Variants in CCDC102B observed in about 807,000 individuals in gnomAD.
CCDC102B encodes coiled-coil domain containing 102B.
CCDC102B carries 75 observed loss-of-function variants against 57.4 expected under a neutral mutation model. The ratio of observed to expected loss-of-function variants is 1.31; its 90% confidence interval spans 1.08 to 1.58. CCDC102B has a LOEUF of 1.58. Ranked by LOEUF, CCDC102B falls within the 40% of genes most tolerant of loss-of-function variation. The probability of loss-of-function intolerance (pLI) is 0.00; values close to 1 mark genes in which losing one functional copy is unlikely to be tolerated. For missense variants in CCDC102B, 636 were observed against 582.6 expected, an observed-to-expected ratio of 1.09 and a Z score of -0.94; for synonymous variants, 206 against 201.9, an observed-to-expected ratio of 1.02 and a Z score of -0.17.
At chr18:68,978,825 C>A (rs1028292091) in intron 6 of CCDC102B, among the ~76,000 whole-genome samples, 1 of 151,946 alleles carries the variant, frequency 6.6e-6, no homozygotes, top group Non-Finnish European at 1.5e-5. Context: ...AAACTTGAAA[C>A]AGCATAAACA....
At position 69,054,137 on chromosome 18, in the gene CCDC102B, A is replaced by G; in HGVS notation, c.1542A>G (p.Ter514=). The change falls in exon 8 of 8, where the codon TAA becomes TAG. Residue 514 remains the stop codon, a stop_retained_variant. Coordinates refer to ENST00000360242, the MANE Select transcript of CCDC102B (RefSeq NM_024781.3). ...AACTCAGGCACTTGCAAAACTGGTA[A>G]TTTTTTCACAAAATATGCTGAATTA... ...ETELRHLQNW[*] is the part of the protein sequence containing the mutation. 1 of 1,591,522 alleles carries G rather than the reference A, an allele frequency of 6.3e-7. No individual in the cohort carries two copies. Among genetic ancestry groups the G allele is most frequent in the South Asian group, 1.1e-5 (1 of 87,474 alleles).
At position 68,984,399 on chromosome 18, in the gene CCDC102B, C is replaced by T. The variant is rs184401879; in HGVS notation, c.1264-26535C>T. ...TGATGTCGATTTGCTGAAGGACAAA[C>T]CATAAAGAGTTTCCTACCAGAATAT... On this transcript the variant is annotated intron_variant, in intron 6 of 7. Transcript: ENST00000360242. Among the ~76,000 whole-genome samples, 9 of 152,164 alleles carry T rather than the reference C, an allele frequency of 5.9e-5. No homozygotes were observed. The East Asian group carries it at 1.5e-3, about 26-fold the overall frequency.
chr18:68,813,481 G>A (rs2036351394), intron 1 of CCDC102B, among the ~76,000 whole-genome samples: 1 of 152,040 alleles, frequency 6.6e-6, no homozygotes, highest in South Asian at 2.1e-4. Flanking sequence ...AGGATGAAGA[G>A]GAAGGGAAGG....
At chr18:68,992,628 A>G (rs2145329075) in intron 6 of CCDC102B, 1 of 151,318 alleles carries the variant, frequency 6.6e-6, no homozygotes, top group East Asian at 2.0e-4. Flanking sequence ...CCCAAACACC[A>G]ACTTTATTAT....
intron 5 of CCDC102B, among the ~76,000 whole-genome samples, chr18:68,889,096 G>A (rs192518418): frequency 7.3e-5 from 11 of 151,566 alleles, no homozygotes; most frequent in Admixed American, 1.3e-4. Flanking sequence ...TTTTCTTAGG[G>A]TGTTATAAAT....
chr18:68,874,927 A>C (rs893422637), intron 5 of CCDC102B, 142 bp downstream of exon 5: 6 of 545,550 alleles, frequency 1.1e-5, no homozygotes. Context: ...ATCAGCTTAT[A>C]TGTGATTTAA....
intron 4 of CCDC102B, among the ~76,000 whole-genome samples, chr18:68,864,645 C>T (rs780132640): frequency 6.6e-6 from 1 of 152,016 alleles, no homozygotes; most frequent in Non-Finnish European, 1.5e-5. Flanking sequence ...TTGTCAGTAG[C>T]ATACTTTCAC....
At chr18:68,871,751 G>T (rs1014125506) in intron 4 of CCDC102B, among the ~76,000 whole-genome samples, 1 of 152,064 alleles carries the variant, frequency 6.6e-6, no homozygotes, top group Non-Finnish European at 1.5e-5. Context: ...AGGAGTTATC[G>T]GATCATGTGG....
intron 6 of CCDC102B, among the ~76,000 whole-genome samples, chr18:68,962,220 C>T (rs1320378862): frequency 6.6e-6 from 1 of 152,052 alleles, no homozygotes; most frequent in African/African-American, 2.4e-5. Flanking sequence ...GCAAATAGAG[C>T]ATTGCTTCAT....
chr18:68,992,082 T>C (rs1317090617), intron 6 of CCDC102B, among the ~76,000 whole-genome samples: 1 of 152,176 alleles, frequency 6.6e-6, no homozygotes, highest in African/African-American at 2.4e-5. Context: ...ATCTTTTTTT[T>C]TTATCCTTTT....
chr18:68,781,113 T>C (rs2034993807), intron 2 of CCDC102B, among the ~76,000 whole-genome samples: 1 of 152,058 alleles, frequency 6.6e-6, no homozygotes, highest in African/African-American at 2.4e-5. Context: ...AACAACATCA[T>C]GATGTTGTTA....
At chr18:68,730,435 C>T (rs2032806212) in intron 2 of CCDC102B, among the ~76,000 whole-genome samples, 1 of 152,070 alleles carries the variant, frequency 6.6e-6, no homozygotes, top group African/African-American at 2.4e-5. Context: ...AAGAGGATCA[C>T]TTAGATACTT....
chr18:69,006,437 ATTTT>A (rs2051347143), intron 6 of CCDC102B, among the ~76,000 whole-genome samples: 1 of 121,192 alleles, frequency 8.3e-6, no homozygotes, highest in African/African-American at 3.0e-5. Context: ...TTATTTATTT[ATTTT>A]GAGACTGAGT....
chr18:69,024,607 T>C (rs967457121), intron 7 of CCDC102B, among the ~76,000 whole-genome samples: 1 of 152,022 alleles, frequency 6.6e-6, no homozygotes, highest in Admixed American at 6.6e-5. Context: ...TCAAGAAATA[T>C]TCAAAAAGAA....
chr18:68,848,302 T>C (rs2037967635), intron 4 of CCDC102B, among the ~76,000 whole-genome samples: 1 of 151,992 alleles, frequency 6.6e-6, no homozygotes. Flanking sequence ...ACAATTCTGA[T>C]AATGACCTTT....
At chr18:68,801,270 T>C (rs1055397645) in intron 1 of CCDC102B, among the ~76,000 whole-genome samples, 2 of 152,166 alleles carry the variant, frequency 1.3e-5, no homozygotes, top group Non-Finnish European at 2.9e-5. Context: ...CCATCCTCAG[T>C]GCCCTGACTA....
chr18:68,888,316 C>A (rs1385121500), intron 5 of CCDC102B, among the ~76,000 whole-genome samples: 7 of 152,120 alleles, frequency 4.6e-5, no homozygotes, highest in Non-Finnish European at 1.0e-4. Context: ...TAGATTCTCT[C>A]ACTATTTCCC....
chr18:69,002,616 T>C (rs1401594040), intron 6 of CCDC102B, among the ~76,000 whole-genome samples: 3 of 152,206 alleles, frequency 2.0e-5, no homozygotes, highest in Non-Finnish European at 4.4e-5. Context: ...TTTGCTTGTT[T>C]GTCTTTTTCC....
chr18:68,785,324 G>C (rs1371827295), intron 2 of CCDC102B, among the ~76,000 whole-genome samples: 1 of 152,082 alleles, frequency 6.6e-6, no homozygotes, highest in Non-Finnish European at 1.5e-5. Context: ...ATGATTTATA[G>C]TCCTTTGGGT....
Sources: allele counts gnomAD v4.1 joint callset (sites outside exome capture counted in the v4.1 genomes callset), GRCh38; gene constraint gnomAD v4.1.1; transcripts MANE v1.5; gene names NCBI Gene and HGNC (gene_info 2026-07-23, HGNC 2026-07-21).